Variants in SLC9A6 observed in about 807,000 individuals in gnomAD.
SLC9A6 encodes the protein sodium/hydrogen exchanger 6.
In SLC9A6, 6 loss-of-function variants were observed where a neutral mutation model predicts 45.3. The observed-to-expected ratio is 0.13, with a 90% CI of 0.07 to 0.26. The LOEUF (loss-of-function observed/expected upper bound fraction) is 0.26, where lower values mean the gene tolerates loss of function less well. Among genes scored for constraint, SLC9A6 ranks in the 10% least tolerant of loss-of-function variants. SLC9A6 has a pLI of 1.00. For missense variants in SLC9A6, 278 were observed against 503.7 expected (o/e 0.55, Z 4.29); for synonymous variants, 191 against 187.7 (o/e 1.02, Z -0.14).
Position 135,985,465 on chromosome X carries a change from G to A in SLC9A6, c.-69G>A, listed in dbSNP as rs1478978974. On this transcript the variant is annotated 5_prime_UTR_variant, in exon 1 of 18. Coordinates refer to ENST00000630721, the MANE Select transcript of SLC9A6 (RefSeq NM_001379110.1). The stretch of plus-strand genomic sequence containing the variant: ...CTCGGGGAGTGGTCCGACCGCGGGC[G>A]GCCGCCGGTGAGGTAGGGGCGGGAG... 1.0e-6 allele frequency: 1 copy of A among 999,095 alleles called. No homozygotes were observed. The highest frequency in any genetic ancestry group is 4.7e-5 in the Admixed American group (1 of 21,175). The allele number at this position is 999,095 out of a possible 1,213,427, so 82.3% of individuals were successfully genotyped here.
chrX:136,030,352 A>G (rs1556620975), intron 15 of SLC9A6, 190 bp downstream of exon 15: 4 of 467,967 alleles, frequency 8.5e-6, no homozygotes, highest in Non-Finnish European at 1.1e-5. Context: ...CCACAGTGCC[A>G]TAGTGTGTGG....
At chrX:135,995,575 C>T (rs1179863206) in intron 3 of SLC9A6, among the ~76,000 whole-genome samples, 1 of 112,082 alleles carries the variant, frequency 8.9e-6, no homozygotes. Context: ...TCCCCCGCCT[C>T]GGCCTCCCAA....
chrX:136,039,796 A>C (rs1431932281), intron 16 of SLC9A6, among the ~76,000 whole-genome samples: 1 of 111,682 alleles, frequency 9.0e-6, no homozygotes, highest in East Asian at 2.8e-4. Context: ...AATTCAGACC[A>C]ATTTGGGCTA....
chrX:136,010,082 T>A (rs782579595), intron 7 of SLC9A6: 7 of 189,492 alleles, frequency 3.7e-5, no homozygotes, highest in African/African-American at 2.1e-4. Flanking sequence ...ATTAGTTTGT[T>A]CACATTAGTA....
chrX:135,976,744 A>G (rs946625410), intron 1 of SLC9A6, among the ~76,000 whole-genome samples: 5 of 112,434 alleles, frequency 4.4e-5, no homozygotes, highest in Non-Finnish European at 7.5e-5. Flanking sequence ...AAGAAATTCA[A>G]TAATGAATCT....
At chrX:136,044,419 A>G (rs2071563112) in intron 17 of SLC9A6, 33 bp from the exon 18 acceptor site, 1 of 1,178,813 alleles carries the variant, frequency 8.5e-7, no homozygotes, top group Non-Finnish European at 1.2e-6. Flanking sequence ...GAACTTCTCA[A>G]AAATTCTTAA....
intron 1 of SLC9A6, among the ~76,000 whole-genome samples, chrX:135,978,674 A>C: frequency 9.0e-6 from 1 of 110,803 alleles, no homozygotes; most frequent in Non-Finnish European, 1.9e-5. Context: ...AAAATCAAAT[A>C]GCCTTCCTAA....
chrX:136,003,730 C>A (rs2148159238), intron 7 of SLC9A6, among the ~76,000 whole-genome samples: 1 of 112,268 alleles, frequency 8.9e-6, no homozygotes, highest in South Asian at 3.7e-4. Context: ...TAGCACTTCG[C>A]ACTTTCACCA....
rs782195790 is a variant in SLC9A6, at chrX:136,014,695, G to A, written c.1080+1258G>A. The stretch of plus-strand genomic sequence containing the variant: ...TAGAAGAATCGCTTGAACCCGGAAG[G>A]CGGAGGTTGCAGTGAGCTGAGATCG... On this transcript the variant is annotated intron_variant, in intron 10 of 17. Coordinates refer to ENST00000630721, the MANE Select transcript of SLC9A6 (RefSeq NM_001379110.1). 7.1e-4 allele frequency among the ~76,000 whole-genome samples: 80 copies of A among 112,888 alleles called. 1 individual carries two copies. Among genetic ancestry groups the A allele is most frequent in the African/African-American group, 2.5e-3 (79 of 31,138 alleles).
intron 11 of SLC9A6, 109 bp downstream of exon 11, chrX:136,016,867 C>T (rs782797627): frequency 2.3e-6 from 1 of 434,255 alleles, no homozygotes; most frequent in East Asian, 3.9e-5. Context: ...CAGTTTTCCT[C>T]TGAGTAAAAC....
intron 10 of SLC9A6, 30 bp from the exon 11 acceptor site, chrX:136,016,615 C>A: frequency 1.3e-6 from 1 of 769,245 alleles, no homozygotes; most frequent in Non-Finnish European, 2.0e-6. Flanking sequence ...ACTTTATTTG[C>A]TGGACTAATC....
intron 8 of SLC9A6, among the ~76,000 whole-genome samples, chrX:136,012,030 CA>C (rs1296116434): frequency 3.6e-5 from 4 of 112,594 alleles, no homozygotes; most frequent in Non-Finnish European, 7.5e-5. Context: ...GCGGAGCTTG[CA>C]GTGAGCCGAG....
intron 11 of SLC9A6, among the ~76,000 whole-genome samples, chrX:136,020,522 C>T (rs1353117540): frequency 2.7e-5 from 3 of 110,734 alleles, no homozygotes; most frequent in African/African-American, 9.9e-5. Context: ...AGGCATGCGC[C>T]ACCACGCCCG....
At chrX:135,974,103 G>T, upstream of SLC9A6, 2 of 108,239 alleles carry the variant, frequency 1.8e-5, 1 homozygote, top group East Asian at 5.6e-4. Flanking sequence ...AGACGGGCGG[G>T]GTGGGGAAGA....
At chrX:136,029,297 G>C (rs2071278791) in intron 14 of SLC9A6, 1 of 120,041 alleles carries the variant, frequency 8.3e-6, no homozygotes, top group Admixed American at 9.5e-5. Flanking sequence ...TTTGTAGAGA[G>C]TCTTGAATGC....
chrX:136,010,248 A>G, intron 7 of SLC9A6, 194 bp from the exon 8 acceptor site: 1 of 245,710 alleles, frequency 4.1e-6, no homozygotes, highest in Non-Finnish European at 7.5e-6. Flanking sequence ...ATTAACATTT[A>G]AGGGAAAGCC....
chrX:135,982,850 G>A (rs1556614327), upstream of SLC9A6, among the ~76,000 whole-genome samples: 1 of 112,240 alleles, frequency 8.9e-6, no homozygotes, highest in Non-Finnish European at 1.9e-5. Flanking sequence ...GCACTGATGG[G>A]ATATTTAAGT....
At chrX:136,001,875 G>T (rs1603201336) in intron 6 of SLC9A6, among the ~76,000 whole-genome samples, 1 of 112,287 alleles carries the variant, frequency 8.9e-6, no homozygotes, top group East Asian at 2.8e-4. Context: ...CAGTTCTTCA[G>T]GGTTACTTTC....
Position 136,005,707 on chromosome X carries a change from T to C in SLC9A6, c.743+3494T>C, listed in dbSNP as rs188521472. Among the ~76,000 whole-genome samples, 1,063 of 107,982 alleles carry C rather than the reference T, an allele frequency of 9.8e-3. 12 individuals are homozygous for C. Among genetic ancestry groups the C allele is most frequent in the African/African-American group, 0.034 (1,005 of 29,661 alleles). 93.8% of individuals were successfully genotyped at this position (107,982 alleles called of 115,157 possible). A position where few individuals can be genotyped will look rare whatever the true frequency, so the allele number is the denominator to read the frequency against. ...AAAAAAAAAAAAAGAGAGAGAGCCC[T>C]TTCCATAGCATTTCTCACAAAGGGC... On this transcript the variant is annotated intron_variant, in intron 7 of 17. Transcript: ENST00000630721.
Sources: gnomAD v4.1 joint callset for allele counts (sites outside exome capture counted in the v4.1 genomes callset) on GRCh38, gnomAD v4.1.1 for gene constraint, MANE v1.5 for transcripts, NCBI Gene and HGNC (gene_info 2026-07-23, HGNC 2026-07-21) for gene names.